The following SEC16A variants were observed in gnomAD, a reference collection of about 807,000 sequenced individuals.
SEC16A encodes SEC16 homolog A, endoplasmic reticulum export factor.
SEC16A carries 110 observed loss-of-function variants against 221.9 expected under a neutral mutation model. The ratio of observed to expected loss-of-function variants is 0.50; its 90% confidence interval spans 0.42 to 0.58. The LOEUF is 0.58. Among genes scored for constraint, SEC16A ranks in the 20% least tolerant of loss-of-function variants. SEC16A has a pLI of 0.00. For synonymous variants in SEC16A, 1,393 were observed against 1,257.7 expected, an observed-to-expected ratio of 1.11 and a Z score of -2.28; for missense variants, 3,165 against 3,097.8, an observed-to-expected ratio of 1.02 and a Z score of -0.52.
At position 136,466,249 on chromosome 9, in the gene SEC16A, G is replaced by A; in HGVS notation, c.4128+15C>T. Reference sequence around the variant, plus strand: ...AACACAACCGTCCGCGTGTCTGTGAGGCGCCGCCGCGTACCTGGTGCGAGT... The same window carrying A: ...AACACAACCGTCCGCGTGTCTGTGAAGCGCCGCCGCGTACCTGGTGCGAGT... On this transcript the variant is annotated intron_variant, in intron 7 of 31. Transcript: ENST00000684901. The surrounding 1 kb of genome is among the most constrained non-coding windows in gnomAD (Gnocchi z 5.5). 6.3e-7 allele frequency: 1 copy of A among 1,585,048 alleles called. No individual in the cohort carries two copies. The highest frequency in any genetic ancestry group is 8.6e-7 in the Non-Finnish European group (1 of 1,163,950).
chr9:136,470,088 G>A (rs150135867), intron 4 of SEC16A, among the ~76,000 whole-genome samples: 15 of 152,366 alleles, frequency 9.8e-5, no homozygotes, highest in African/African-American at 3.6e-4. Context: ...GGCCCAGAGA[G>A]TTGAGTCCAT....
chr9:136,476,011 G>C lies in SEC16A; in HGVS notation c.1605C>G (p.Gly535=). 1.9e-6 allele frequency: 3 copies of C among 1,613,220 alleles called. No individual in the cohort carries two copies. Among genetic ancestry groups the C allele is most frequent in the Non-Finnish European group, 2.5e-6 (3 of 1,179,856 alleles). ...YSSRSHGRLS[G]SARPQELVGT... ...CAACCAGCTCCTGGGGCCTGGCTGA[G>C]CCTGAGAGCCTTCCGTGGCTTCTGC... The change falls in exon 3 of 32, where the codon GGC becomes GGG. Residue 535 remains glycine (G), a synonymous_variant. Coordinates refer to ENST00000684901, the MANE Select transcript of SEC16A (RefSeq NM_014866.2).
rs538215537 is a variant in SEC16A, at chr9:136,454,445, T to A, written c.5858-118A>T. The A allele has an allele frequency of 3.4e-4, 333 of 976,074 alleles. 2 individuals are homozygous for A. The African/African-American group carries it at 5.0e-3, about 15-fold the overall frequency. 60.5% of individuals were successfully genotyped at this position (976,074 alleles called of 1,614,324 possible). On this transcript the variant is annotated intron_variant, in intron 20 of 31. Transcript: ENST00000684901. ...ATTTTGTACAGCCCCATTTCTTTTA[T>A]AAGGGAGGTCCAACAGAGCAGAAAG... is the stretch of plus-strand genomic sequence containing the variant.
chr9:136,481,630 C>T (rs1011879263), intron 1 of SEC16A, among the ~76,000 whole-genome samples: 6 of 152,178 alleles, frequency 3.9e-5, no homozygotes, highest in African/African-American at 1.2e-4. Flanking sequence ...AATGCATGCA[C>T]ACCCCTCTCC....
intron 28 of SEC16A, among the ~76,000 whole-genome samples, chr9:136,446,094 G>A (rs1836934236): frequency 6.6e-6 from 1 of 150,878 alleles, no homozygotes; most frequent in Non-Finnish European, 1.5e-5. Context: ...ACAGAGTGCA[G>A]TCTGAGCTGG....
intron 1 of SEC16A, among the ~76,000 whole-genome samples, chr9:136,482,337 C>G (rs368947603): frequency 6.6e-6 from 1 of 152,164 alleles, no homozygotes; most frequent in African/African-American, 2.4e-5. Context: ...CAATCCACAC[C>G]CAACTTACAA....
In SEC16A at chr9:136,448,158, C is replaced by T; in HGVS notation, c.6316G>A (p.Glu2106Lys). 3.1e-6 allele frequency: 5 copies of T among 1,612,598 alleles called. No homozygotes were observed. The highest frequency in any genetic ancestry group is 3.4e-6 in the Non-Finnish European group (4 of 1,178,750). ...KKETKEPKKG[E>K]SWFFRWLPGK... Reference sequence around the variant, plus strand: ...GGTAGCCAACGAAAGAACCAGGATTCACCCTAAATATAAAAAACACGAGAA... The same window carrying T: ...GGTAGCCAACGAAAGAACCAGGATTTACCCTAAATATAAAAAACACGAGAA... The change falls in exon 24 of 32, where the codon GAA (glutamate) becomes AAA (lysine). Residue 2106 changes from glutamate to lysine, a missense_variant. By Grantham distance (56) the Glu-to-Lys change is moderately conservative. Around this residue, in one of 3 missense-constraint regions of SEC16A, gnomAD observed 1,088 missense variants for 1,089.6 expected, o/e 1.00. Coordinates refer to ENST00000684901, the MANE Select transcript of SEC16A (RefSeq NM_014866.2).
chr9:136,465,367 T>C (rs1349773186), intron 8 of SEC16A, among the ~76,000 whole-genome samples: 1 of 149,958 alleles, frequency 6.7e-6, no homozygotes, highest in African/African-American at 2.5e-5. Flanking sequence ...AGGAGAATCG[T>C]TTGAACCCGA....
intron 23 of SEC16A, among the ~76,000 whole-genome samples, chr9:136,450,777 G>A (rs1296016077): frequency 2.0e-5 from 3 of 152,172 alleles, no homozygotes; most frequent in Non-Finnish European, 2.9e-5. Context: ...CTGAACACAC[G>A]CTCATCCTGC....
intron 31 of SEC16A, 26 bp from the exon 32 acceptor site, chr9:136,441,849 T>G: frequency 1.9e-6 from 3 of 1,600,082 alleles, no homozygotes; most frequent in Middle Eastern, 1.7e-4. Context: ...CAGCATGACC[T>G]CTGCATGCCT....
chr9:136,445,992 G>C lies in SEC16A; in HGVS notation c.6793-273C>G, dbSNP rs76161005. ...ACTGTTATTCCCATTTTACAGAGGG[G>C]AAAACTGAGGCTTAGACAGGTGAGT... On this transcript the variant is annotated intron_variant, in intron 28 of 31. Transcript: ENST00000684901. Among the ~76,000 whole-genome samples, 23 of 152,236 alleles carry C rather than the reference G, an allele frequency of 1.5e-4. No individual in the cohort carries two copies. In the East Asian group the frequency reaches 4.4e-3, roughly 29 times the overall value.
intron 1 of SEC16A, 61 bp downstream of exon 1, chr9:136,482,877 C>A: frequency 1.4e-6 from 1 of 714,958 alleles, no homozygotes; most frequent in Non-Finnish European, 1.7e-6. Flanking sequence ...CCTGGCTCCG[C>A]CGGCCGGCCT....
Position 136,474,914 on chromosome 9 carries a change from C to G in SEC16A, c.2702G>C (p.Ser901Thr). 1 of 1,613,876 alleles carries G rather than the reference C, an allele frequency of 6.2e-7. No individual in the cohort carries two copies. Among genetic ancestry groups the G allele is most frequent in the Non-Finnish European group, 8.5e-7 (1 of 1,179,892 alleles). The part of the protein sequence containing the change: ...SSVLSLSLPS[S>T]VAQSNFPQGS... ...TTGTGGAAAATTACTTTGGGCAACA[C>G]TGCTAGGCAGAGACAAGCTAAGGAC... Residue 901 changes from serine to threonine, a missense_variant, in exon 3 of 32, where the codon AGT becomes ACT. By Grantham distance (58) the Ser-to-Thr change is moderately conservative. This residue lies in a region of SEC16A where 2,030 missense variants were observed against 1,923.1 expected (regional missense o/e 1.06). Transcript: ENST00000684901.
chr9:136,447,239 C>A lies in SEC16A; in HGVS notation c.6685G>T (p.Val2229Leu). ...TCGTGCTACCTACCTGGGGTTGGCA[C>A]GAACAAGTTAGAAGGAATTGGGAGT... ...APLPIPSNLF[V>L]PTPDAEEPQL... Residue 2229 changes from valine to leucine, a missense_variant, in exon 27 of 32, where the codon GTG becomes TTG. Around this residue, in one of 3 missense-constraint regions of SEC16A, gnomAD observed 1,088 missense variants for 1,089.6 expected, o/e 1.00. Transcript: ENST00000684901. This position sits in a 1 kb window ranked among gnomAD's most constrained non-coding sequence, Gnocchi z 5.5. 3 of 1,594,942 alleles carry A rather than the reference C, an allele frequency of 1.9e-6. No individual in the cohort carries two copies. The highest frequency in any genetic ancestry group is 2.6e-6 in the Non-Finnish European group (3 of 1,171,690).
In SEC16A at chr9:136,467,055, G is replaced by T; in HGVS notation, c.3831C>A (p.Tyr1277Ter). The change falls in exon 6 of 32, where the codon TAC becomes TAA. Residue 1277 changes from tyrosine to a stop codon, truncating the protein, a stop_gained. Transcript: ENST00000684901. LOFTEE classifies it high-confidence loss of function. ...GDPGHWDRYH[Y>*]SARVRDPRTY... Reference sequence around the variant, plus strand: ...TGCGGGGGTCCCTGACTCTAGCACTGTAGTGGTAACGATCCCAGTGACCTG... The same window carrying T: ...TGCGGGGGTCCCTGACTCTAGCACTTTAGTGGTAACGATCCCAGTGACCTG... 6.2e-7 allele frequency: 1 copy of T among 1,613,832 alleles called. No homozygotes were observed.
chr9:136,457,636 G>C, intron 17 of SEC16A, 52 bp from the exon 18 acceptor site: 1 of 1,569,028 alleles, frequency 6.4e-7, no homozygotes, highest in South Asian at 1.2e-5. Context: ...TCCGAGCATC[G>C]CCGATGGACA....
In SEC16A at chr9:136,474,924, G is replaced by A; in HGVS notation, c.2692C>T (p.Leu898=). ...IPTSSVLSLS[L]PSSVAQSNFP... is the part of the protein sequence containing the mutation. ...TTACTTTGGGCAACACTGCTAGGCA[G>A]AGACAAGCTAAGGACAGAGCTGGTT... The change falls in exon 3 of 32, where the codon CTG becomes TTG. Residue 898 remains leucine, a synonymous_variant. Transcript: ENST00000684901. 1.2e-6 allele frequency: 2 copies of A among 1,613,906 alleles called. No homozygotes were observed. The highest frequency in any genetic ancestry group is 1.1e-5 in the South Asian group (1 of 91,082).
intron 12 of SEC16A, 49 bp from the exon 13 acceptor site, chr9:136,461,323 G>A (rs558531235): frequency 9.5e-6 from 13 of 1,368,596 alleles, no homozygotes; most frequent in East Asian, 5.0e-5. Flanking sequence ...CGGCGCTCAC[G>A]TGACATGAGT....
intron 23 of SEC16A, among the ~76,000 whole-genome samples, chr9:136,449,603 TG>T (rs1410899082): frequency 6.6e-6 from 1 of 152,172 alleles, no homozygotes; most frequent in Admixed American, 6.5e-5. Flanking sequence ...CCCAGAGTGC[TG>T]GGGTGACAGG....
Sources: allele counts gnomAD v4.1 joint callset (sites outside exome capture counted in the v4.1 genomes callset), GRCh38; gene constraint gnomAD v4.1.1; regional missense constraint gnomAD v4.1.1; non-coding constraint Gnocchi (gnomAD v3.1); transcripts MANE v1.5; gene names NCBI Gene and HGNC (gene_info 2026-07-23, HGNC 2026-07-21).